CCR8: variants seen among roughly 807,000 people sequenced by gnomAD.
CCR8 encodes the protein C-C motif chemokine receptor 8.
For synonymous variants in CCR8, 156 were observed against 165.7 expected, an observed-to-expected ratio of 0.94 and a Z score of 0.45; for missense variants, 358 against 417.5, an observed-to-expected ratio of 0.86 and a Z score of 1.24.
Position 39,332,477 on chromosome 3 carries a change from G to A in CCR8, c.146G>A (p.Ser49Asn), listed in dbSNP as rs763976315. Reference protein sequence around the residue: ...AVFYCLLFVFSLLGNSLVILV... With the variant: ...AVFYCLLFVFNLLGNSLVILV... ...TTTTATTGCCTCCTGTTTGTATTCA[G>A]TCTTCTGGGAAACAGCCTGGTCATC... Residue 49 changes from serine to asparagine, a missense_variant, in exon 2 of 2, where the codon AGT becomes AAT. Physicochemically the swap from Ser to Asn is conservative, Grantham distance 46. Coordinates refer to ENST00000326306, the MANE Select transcript of CCR8 (RefSeq NM_005201.4). 2 of 1,614,100 alleles carry A rather than the reference G, an allele frequency of 1.2e-6. No homozygotes were observed. The highest frequency in any genetic ancestry group is 3.3e-5 in the Admixed American group (2 of 60,014).
At chr3:39,331,241 G>A (rs1489882435) in intron 1 of CCR8, among the ~76,000 whole-genome samples, 1 of 152,144 alleles carries the variant, frequency 6.6e-6, no homozygotes, top group East Asian at 1.9e-4. Context: ...ACAACAGAAA[G>A]TGTTGTTTAA....
Position 39,332,383 on chromosome 3 carries a change from C to G in CCR8, c.52C>G (p.Pro18Ala), listed in dbSNP as rs1201292871. 6.2e-7 allele frequency: 1 copy of G among 1,614,076 alleles called. No individual in the cohort carries two copies. The highest frequency in any genetic ancestry group is 8.5e-7 in the Non-Finnish European group (1 of 1,179,974). Residue 18 changes from proline (P) to alanine (A), a missense_variant, in exon 2 of 2, where the codon CCT (proline) becomes GCT (alanine). By Grantham distance (27) the Pro-to-Ala change is conservative (BLOSUM62 -1). Transcript: ENST00000326306. Reference protein sequence around the residue: ...SVTTVTDYYYPDIFSSPCDAE... With the variant: ...SVTTVTDYYYADIFSSPCDAE... Reference sequence around the variant, plus strand: ...GACAACAGTGACCGACTACTACTACCCTGATATCTTCTCAAGCCCCTGTGA... The same window carrying G: ...GACAACAGTGACCGACTACTACTACGCTGATATCTTCTCAAGCCCCTGTGA...
In CCR8 at chr3:39,333,012, G is replaced by A; in HGVS notation, c.681G>A (p.Arg227=). The stretch of plus-strand genomic sequence containing the variant: ...TTAAAATCCTGCACCAGCTGAAGAG[G>A]TGTCAAAACCACAACAAGACCAAGG... ...CYIKILHQLK[R]CQNHNKTKAI... is the part of the protein sequence containing the mutation. The change falls in exon 2 of 2, where the codon AGG becomes AGA. Residue 227 remains arginine (R), a synonymous_variant. Coordinates refer to ENST00000326306, the MANE Select transcript of CCR8 (RefSeq NM_005201.4). 1 of 1,614,128 alleles carries A rather than the reference G, an allele frequency of 6.2e-7. No individual in the cohort carries two copies. Among genetic ancestry groups the A allele is most frequent in the Non-Finnish European group, 8.5e-7 (1 of 1,180,024 alleles).
rs1440665549 is a variant in CCR8, at chr3:39,332,974, A to G, written c.643A>G (p.Met215Val). 1.2e-5 allele frequency: 19 copies of G among 1,614,034 alleles called. No individual in the cohort carries two copies. The highest frequency in any genetic ancestry group is 1.7e-5 in the Admixed American group (1 of 60,000). ...LGLLIPFTIF[M>V]FCYIKILHQL... is the part of the protein sequence containing the mutation. ...CTTGTTGATCCCATTCACCATCTTT[A>G]TGTTCTGCTACATTAAAATCCTGCA... Residue 215 changes from methionine to valine, a missense_variant, in exon 2 of 2, where the codon ATG (methionine) becomes GTG (valine). Transcript: ENST00000326306.
At position 39,333,119 on chromosome 3, in the gene CCR8, T is replaced by C. The variant is rs776457759; in HGVS notation, c.788T>C (p.Leu263Ser). Residue 263 changes from leucine (L) to serine (S), a missense_variant, in exon 2 of 2, where the codon TTG becomes TCG. Coordinates refer to ENST00000326306, the MANE Select transcript of CCR8 (RefSeq NM_005201.4). ...AACGTGGTTCTTTTCCTCACTTCCT[T>C]GCACAGTATGCACATCTTGGATGGA... ...PFNVVLFLTS[L>S]HSMHILDGCS... 8 of 1,614,114 alleles carry C rather than the reference T, an allele frequency of 5.0e-6. No individual in the cohort carries two copies. The highest frequency in any genetic ancestry group is 1.1e-5 in the South Asian group (1 of 91,086).
chr3:39,333,423 A>G lies in CCR8; in HGVS notation c.*24A>G. 6.4e-7 allele frequency: 1 copy of G among 1,562,642 alleles called. No individual in the cohort carries two copies. Reference sequence around the variant, plus strand: ...GAGGATCAATGAAGACTAAATATAAAAAACATTTTCTTGAATGGCATGCTA... The same window carrying G: ...GAGGATCAATGAAGACTAAATATAAGAAACATTTTCTTGAATGGCATGCTA... On this transcript the variant is annotated 3_prime_UTR_variant, in exon 2 of 2. Coordinates refer to ENST00000326306, the MANE Select transcript of CCR8 (RefSeq NM_005201.4).
At chr3:39,331,656 C>T (rs954989986) in intron 1 of CCR8, among the ~76,000 whole-genome samples, 6 of 151,474 alleles carry the variant, frequency 4.0e-5, no homozygotes, top group Admixed American at 6.6e-5. Context: ...TTAGTAGAGA[C>T]GGGGTTTTGC....
rs2041270962 is a variant in CCR8, at chr3:39,333,192, C to A, written c.861C>A (p.Ile287=). Residue 287 remains isoleucine, a synonymous_variant, in exon 2 of 2, where the codon ATC becomes ATA. Coordinates refer to ENST00000326306, the MANE Select transcript of CCR8 (RefSeq NM_005201.4). ...CTTATGCCACCCATGTCACAGAAAT[C>A]ATTTCCTTTACTCACTGCTGTGTGA... is the stretch of plus-strand genomic sequence containing the variant. ...QLTYATHVTE[I]ISFTHCCVNP... is the part of the protein sequence containing the mutation. 2.5e-6 allele frequency: 4 copies of A among 1,614,082 alleles called. No homozygotes were observed. The highest frequency in any genetic ancestry group is 2.2e-5 in the East Asian group (1 of 44,872).
intron 1 of CCR8, 63 bp from the exon 2 acceptor site, chr3:39,332,255 T>C (rs2041262658): frequency 1.0e-6 from 1 of 1,004,256 alleles, no homozygotes; most frequent in East Asian, 2.4e-5. Context: ...AACATCCCCC[T>C]AATTTTTAAA....
rs1476525361 is a variant in CCR8, at chr3:39,333,034, A to G, written c.703A>G (p.Lys235Glu). ...GAGGTGTCAAAACCACAACAAGACC[A>G]AGGCCATCAGGTTGGTGCTCATTGT... is the stretch of plus-strand genomic sequence containing the variant. ...LKRCQNHNKT[K>E]AIRLVLIVVI... Residue 235 changes from lysine to glutamate, a missense_variant, in exon 2 of 2, where the codon AAG (lysine) becomes GAG (glutamate). Lys to Glu is a moderately conservative substitution (Grantham distance 56). Coordinates refer to ENST00000326306, the MANE Select transcript of CCR8 (RefSeq NM_005201.4). The G allele has an allele frequency of 6.2e-7, 1 of 1,614,116 alleles. No homozygotes were observed. Among genetic ancestry groups the G allele is most frequent in the South Asian group, 1.1e-5 (1 of 91,088 alleles).
chr3:39,332,120 C>A (rs1051580078), intron 1 of CCR8, among the ~76,000 whole-genome samples, 198 bp from the exon 2 acceptor site: 9 of 152,134 alleles, frequency 5.9e-5, no homozygotes, highest in African/African-American at 2.2e-4. Flanking sequence ...AGCTCCCGGT[C>A]TATCATTTAA....
Position 39,332,570 on chromosome 3 carries a change from C to T in CCR8, c.239C>T (p.Ser80Phe), listed in dbSNP as rs1248468780. ...TDVYLLNLAL[S>F]DLLFVFSFPF... The stretch of plus-strand genomic sequence containing the variant: ...GTATACCTCTTGAACCTGGCCCTGT[C>T]TGACCTGCTTTTTGTCTTCTCCTTC... The change falls in exon 2 of 2, where the codon TCT becomes TTT. Residue 80 changes from serine (S) to phenylalanine (F), a missense_variant. By Grantham distance (155) the Ser-to-Phe change is radical. Coordinates refer to ENST00000326306, the MANE Select transcript of CCR8 (RefSeq NM_005201.4). The T allele has an allele frequency of 6.2e-7, 1 of 1,614,158 alleles. No individual in the cohort carries two copies.
In CCR8 at chr3:39,332,262, T is replaced by C; in HGVS notation, c.-14-56T>C. On this transcript the variant is annotated intron_variant, in intron 1 of 1. Transcript: ENST00000326306. Reference sequence around the variant, plus strand: ...CAGTCCATAACATCCCCCTAATTTTTAAAAAATAAAAATGTTTTTAAGGAG... The same window carrying C: ...CAGTCCATAACATCCCCCTAATTTTCAAAAAATAAAAATGTTTTTAAGGAG... The C allele has an allele frequency of 2.8e-6, 3 of 1,089,766 alleles. No homozygotes were observed. The East Asian group carries it at 7.1e-5, about 26-fold the overall frequency. 67.5% of individuals were successfully genotyped at this position (1,089,766 alleles called of 1,614,324 possible). A position where few individuals can be genotyped will look rare whatever the true frequency, so the allele number is the denominator to read the frequency against.
chr3:39,333,560 G>A lies in CCR8; in HGVS notation c.*161G>A, dbSNP rs2041273479. On this transcript the variant is annotated 3_prime_UTR_variant, in exon 2 of 2. Coordinates refer to ENST00000326306, the MANE Select transcript of CCR8 (RefSeq NM_005201.4). ...GAACACAATGACTAAAGACATAGTT[G>A]TGCATGCCTGGCACAACATCAAGCC... 6.5e-6 allele frequency: 4 copies of A among 614,414 alleles called. No homozygotes were observed. Among genetic ancestry groups the A allele is most frequent in the Non-Finnish European group, 1.2e-5 (4 of 340,942 alleles). The allele number at this position is 614,414 out of a possible 1,614,324, so 38.1% of individuals were successfully genotyped here. A position where few individuals can be genotyped will look rare whatever the true frequency, so the allele number is the denominator to read the frequency against.
rs1454405127 is a variant in CCR8 at position 39,333,117 on chromosome 3, C to T, written c.786C>T (p.Ser262=). The T allele has an allele frequency of 3.7e-6, 6 of 1,614,100 alleles. No individual in the cohort carries two copies. The East Asian group carries it at 1.3e-4, about 36-fold the overall frequency. Residue 262 remains serine, a synonymous_variant, in exon 2 of 2, where the codon TCC becomes TCT. Coordinates refer to ENST00000326306, the MANE Select transcript of CCR8 (RefSeq NM_005201.4). ...VPFNVVLFLT[S]LHSMHILDGC... The stretch of plus-strand genomic sequence containing the variant: ...TCAACGTGGTTCTTTTCCTCACTTC[C>T]TTGCACAGTATGCACATCTTGGATG...
At chr3:39,330,220 G>A (rs903515949) in intron 1 of CCR8, among the ~76,000 whole-genome samples, 13 of 152,232 alleles carry the variant, frequency 8.5e-5, no homozygotes, top group African/African-American at 3.1e-4. Flanking sequence ...AGAAGCCAGC[G>A]AGCAAACTTT....
Position 39,332,538 on chromosome 3 carries a change from C to T in CCR8, c.207C>T (p.Ile69=), listed in dbSNP as rs745860257. The part of the protein sequence containing the change: ...VLVVCKKLRS[I]TDVYLLNLAL... ...TGGTCTGCAAGAAGCTGAGGAGCAT[C>T]ACAGATGTATACCTCTTGAACCTGG... Residue 69 remains isoleucine (I), a synonymous_variant, in exon 2 of 2, where the codon ATC becomes ATT. Transcript: ENST00000326306. 7.4e-6 allele frequency: 12 copies of T among 1,614,040 alleles called. No individual in the cohort carries two copies. The Admixed American group carries it at 8.3e-5, about 11-fold the overall frequency.
At chr3:39,331,777 CT>C (rs2041257621) in intron 1 of CCR8, among the ~76,000 whole-genome samples, 1 of 143,242 alleles carries the variant, frequency 7.0e-6, no homozygotes. Context: ...AGGGCCCTGC[CT>C]TTATAACCTC....
In CCR8 at chr3:39,332,233, A is replaced by G. The variant is rs1271299265; in HGVS notation, c.-14-85A>G. 1.3e-5 allele frequency: 10 copies of G among 768,732 alleles called. No individual in the cohort carries two copies. The South Asian group carries it at 1.6e-4, about 12-fold the overall frequency. The allele number at this position is 768,732 out of a possible 1,614,324, so 47.6% of individuals were successfully genotyped here. The stretch of plus-strand genomic sequence containing the variant: ...CAACACATGAATTTGGGGAGGACAC[A>G]GTTCAGTCCATAACATCCCCCTAAT... On this transcript the variant is annotated intron_variant, in intron 1 of 1. Coordinates refer to ENST00000326306, the MANE Select transcript of CCR8 (RefSeq NM_005201.4).
Sources: gnomAD v4.1 joint callset for allele counts (sites outside exome capture counted in the v4.1 genomes callset) on GRCh38, gnomAD v4.1.1 for gene constraint, MANE v1.5 for transcripts, NCBI Gene and HGNC (gene_info 2026-07-23, HGNC 2026-07-21) for gene names.